Variants in DIDO1 observed in about 807,000 individuals in gnomAD.
DIDO1 encodes the protein death-inducer obliterator 1.
DIDO1 carries 16 observed loss-of-function variants against 99.4 expected under a neutral mutation model. The ratio of observed to expected loss-of-function variants is 0.16; its 90% CI spans 0.11 to 0.24. The LOEUF is 0.24. DIDO1 is among the 10% of genes least tolerant of loss of function. The pLI is 1.00. For missense variants in DIDO1, 2,996 were observed against 3,014.0 expected (o/e 0.99, Z 0.14); for synonymous variants, 1,366 against 1,239.1 (o/e 1.10, Z -2.15).
intron 6 of DIDO1, chr20:62,905,592 T>C (rs1448639705): frequency 6.4e-7 from 1 of 1,551,258 alleles, no homozygotes; most frequent in Admixed American, 2.0e-5. Context: ...ATACGAATAC[T>C]TACCAGAGCC....
At chr20:62,887,669 G>A (rs925611394) in intron 15 of DIDO1, 36 of 985,178 alleles carry the variant, frequency 3.7e-5, no homozygotes, top group Admixed American at 1.2e-4. Flanking sequence ...TCTTGGCTGC[G>A]GTCCAGTCCT....
At chr20:62,937,397 G>A (rs2065401623) in intron 1 of DIDO1, among the ~76,000 whole-genome samples, 1 of 152,120 alleles carries the variant, frequency 6.6e-6, no homozygotes, top group African/African-American at 2.4e-5. Context: ...GAGTAACCCC[G>A]GCCCTGCCCC....
At chr20:62,922,923 T>TC (rs1222018369) in intron 1 of DIDO1, among the ~76,000 whole-genome samples, 3 of 152,130 alleles carry the variant, frequency 2.0e-5, no homozygotes, top group Admixed American at 2.0e-4. Context: ...GTGTTTTTTT[T>TC]CTCACAAAGG....
chr20:62,884,326 A>T (rs1030847671), intron 15 of DIDO1, among the ~76,000 whole-genome samples: 1 of 152,188 alleles, frequency 6.6e-6, no homozygotes, highest in African/African-American at 2.4e-5. Context: ...GCCAAAGGGG[A>T]ATATAAAAAC....
chr20:62,903,510 C>T (rs1339812664), intron 6 of DIDO1, among the ~76,000 whole-genome samples: 7 of 152,196 alleles, frequency 4.6e-5, no homozygotes, highest in South Asian at 2.1e-4. Context: ...GGAGGCAGGG[C>T]AGGGGCCTCA....
chr20:62,905,508 C>T (rs2147470314), intron 6 of DIDO1: 1 of 1,550,866 alleles, frequency 6.4e-7, no homozygotes, highest in Non-Finnish European at 8.7e-7. Flanking sequence ...GTTGTCAGAA[C>T]AACTCATGTG....
At chr20:62,925,815 CA>C (rs573794589) in intron 1 of DIDO1, among the ~76,000 whole-genome samples, 17 of 152,312 alleles carry the variant, frequency 1.1e-4, no homozygotes, top group African/African-American at 4.1e-4. Flanking sequence ...ACCAACGCAA[CA>C]AACTATTCCA....
At chr20:62,919,220 G>A (rs79411988) in intron 1 of DIDO1, among the ~76,000 whole-genome samples, 2,880 of 152,270 alleles carry the variant, frequency 0.019, 84 homozygotes, top group African/African-American at 0.064. Context: ...CAAATTCAAA[G>A]TTTTGCTGCT....
intron 1 of DIDO1, among the ~76,000 whole-genome samples, chr20:62,932,254 A>G (rs1351263572): frequency 6.6e-6 from 1 of 152,220 alleles, no homozygotes; most frequent in Admixed American, 6.5e-5. Flanking sequence ...ACACTTTGGG[A>G]GGCCCAGGAG....
At chr20:62,884,145 G>A (rs1272438513) in intron 15 of DIDO1, among the ~76,000 whole-genome samples, 1 of 152,190 alleles carries the variant, frequency 6.6e-6, no homozygotes, top group African/African-American at 2.4e-5. Context: ...GCAAACAGGT[G>A]GCAAAGAGCA....
rs557137271 is a variant in DIDO1 at position 62,899,093 on chromosome 20, G to A, written c.1589-2097C>T. On this transcript the variant is annotated intron_variant, in intron 6 of 15. Transcript: ENST00000395343. ...AGGCCTAGGGCGCTGGAGGCACACC[G>A]GCAGGAGGCTGACACCAGGCAGGCA... Among the ~76,000 whole-genome samples, 10 of 152,230 alleles carry A rather than the reference G, an allele frequency of 6.6e-5. No individual in the cohort carries two copies. The East Asian group carries it at 7.7e-4, about 12-fold the overall frequency.
Position 62,905,999 on chromosome 20 carries a change from G to A in DIDO1, c.1476C>T (p.Leu492=), listed in dbSNP as rs778117270. The A allele has an allele frequency of 1.3e-5, 21 of 1,613,850 alleles. No homozygotes were observed. The highest frequency in any genetic ancestry group is 3.3e-5 in the Admixed American group (2 of 60,002). ...AVVVPARSEA[L]GKEAACESST... The stretch of plus-strand genomic sequence containing the variant: ...TGCTCTCACAAGCTGCTTCCTTCCC[G>A]AGTGCTTCACTCCGCGCAGGGACCA... Residue 492 remains leucine (L), a synonymous_variant, in exon 6 of 16, where the codon CTC becomes CTT. Transcript: ENST00000395343.
chr20:62,937,585 G>A (rs916890746), intron 1 of DIDO1, among the ~76,000 whole-genome samples: 1 of 152,214 alleles, frequency 6.6e-6, no homozygotes, highest in African/African-American at 2.4e-5. Flanking sequence ...TAAAGCGGGG[G>A]AACTCGCTTC....
intron 13 of DIDO1, 97 bp downstream of exon 13, chr20:62,892,712 T>C (rs2064425259): frequency 1.4e-6 from 2 of 1,446,614 alleles, no homozygotes. Context: ...GTTTCTCTCC[T>C]ACCTCATGAA....
At chr20:62,898,866 C>T (rs552837024) in intron 6 of DIDO1, among the ~76,000 whole-genome samples, 351 of 152,374 alleles carry the variant, frequency 2.3e-3, no homozygotes, top group African/African-American at 8.0e-3. Context: ...CAGGTCTATA[C>T]ACCCCAGGAG....
At position 62,880,232 on chromosome 20, in the gene DIDO1, A is replaced by G. The variant is rs752911819; in HGVS notation, c.5724T>C (p.Pro1908=). The G allele has an allele frequency of 1.9e-6, 3 of 1,612,000 alleles. No individual in the cohort carries two copies. The African/African-American group carries it at 4.0e-5, about 22-fold the overall frequency. Residue 1908 remains proline, a synonymous_variant, in exon 16 of 16, where the codon CCT becomes CCC. Coordinates refer to ENST00000395343, the MANE Select transcript of DIDO1 (RefSeq NM_001193369.2). Reference sequence around the variant, plus strand: ...CTCTCTGACCTCCAAACTGAGAGGGAGGGGGGCCGCCTCGGGGGCCTTTCA... The same window carrying G: ...CTCTCTGACCTCCAAACTGAGAGGGGGGGGGGCCGCCTCGGGGGCCTTTCA... The part of the protein sequence containing the change: ...SQLKGPRGGP[P]PSQFGGQRGP...
intron 1 of DIDO1, among the ~76,000 whole-genome samples, chr20:62,935,557 G>A (rs1361188862): frequency 2.0e-5 from 3 of 152,176 alleles, no homozygotes; most frequent in Non-Finnish European, 4.4e-5. Context: ...TACTGAGGAG[G>A]TGAGCAGGAG....
rs768932391 is a variant in DIDO1, at chr20:62,882,176, C to T, written c.3780G>A (p.Ser1260=). The T allele has an allele frequency of 1.2e-6, 2 of 1,613,164 alleles. No individual in the cohort carries two copies. The highest frequency in any genetic ancestry group is 1.7e-6 in the Non-Finnish European group (2 of 1,180,016). Reference sequence around the variant, plus strand: ...CTGGAAGAGGGGGCGGAGGCGGCGGCGACCCAGGAGGTGTGGTGCTGACAG... The same window carrying T: ...CTGGAAGAGGGGGCGGAGGCGGCGGTGACCCAGGAGGTGTGGTGCTGACAG... ...DAAVSTTPPG[S]PPPPPPLPEP... Residue 1260 remains serine (S), a synonymous_variant, in exon 16 of 16, where the codon TCG becomes TCA. Transcript: ENST00000395343.
At position 62,882,514 on chromosome 20, in the gene DIDO1, GACAA is replaced by G. The variant is rs2064226391; in HGVS notation, c.3542-104_3542-101del. The G allele has an allele frequency of 5.0e-6, 6 of 1,192,690 alleles. No individual in the cohort carries two copies. The South Asian group carries it at 6.1e-5, about 12-fold the overall frequency. 73.9% of individuals were successfully genotyped at this position (1,192,690 alleles called of 1,614,324 possible). Reference sequence around the variant, plus strand: ...GGGCTTTCACGGGGAACGTTTAATAGACAAAAATAAGCCATTCTGTGGCAAAATA... The same window carrying G: ...GGGCTTTCACGGGGAACGTTTAATAGAAATAAGCCATTCTGTGGCAAAATA... On this transcript the variant is annotated intron_variant, in intron 15 of 15. Transcript: ENST00000395343.
Sources: gnomAD v4.1 joint callset for allele counts (sites outside exome capture counted in the v4.1 genomes callset) on GRCh38, gnomAD v4.1.1 for gene constraint, MANE v1.5 for transcripts, NCBI Gene and HGNC (gene_info 2026-07-23, HGNC 2026-07-21) for gene names.